Variants in GPC5 observed in about 807,000 individuals in gnomAD.
The protein encoded by GPC5 is glypican 5, also known as glypican-5.
Under a neutral mutation model 53.9 loss-of-function variants are expected in GPC5, and 47 were observed. That is an observed-to-expected ratio of 0.87 (90% CI 0.69 to 1.11). The LOEUF (loss-of-function observed/expected upper bound fraction) is 1.11, where lower values mean the gene tolerates loss of function less well. GPC5 is among the 50% of genes most tolerant of loss of function. GPC5 has a pLI of 0.00. For synonymous variants in GPC5, 286 were observed against 263.3 expected, an observed-to-expected ratio of 1.09 and a Z score of -0.84; for missense variants, 748 against 713.1, an observed-to-expected ratio of 1.05 and a Z score of -0.56.
Position 92,363,335 on chromosome 13 carries a change from A to G in GPC5, c.1561+218346A>G, listed in dbSNP as rs996812560. Among the ~76,000 whole-genome samples, 28 of 151,772 alleles carry G rather than the reference A, an allele frequency of 1.8e-4. 2 individuals are homozygous for G. Among genetic ancestry groups the G allele is most frequent in the African/African-American group, 6.8e-4 (28 of 41,076 alleles). ...TTTGGCCCTAGACCAGAGGTCCCCA[A>G]CATTTTTGGCACCAGGGACCGGTTT... On this transcript the variant is annotated intron_variant, in intron 7 of 7. Transcript: ENST00000377067.
chr13:91,860,973 T>C (rs2138911456), intron 5 of GPC5, among the ~76,000 whole-genome samples: 1 of 152,356 alleles, frequency 6.6e-6, no homozygotes, highest in Non-Finnish European at 1.5e-5. Flanking sequence ...TGATTTCTTT[T>C]ATGAACTATG....
chr13:91,733,392 C>T (rs1488933137), intron 4 of GPC5, among the ~76,000 whole-genome samples: 4 of 152,180 alleles, frequency 2.6e-5, no homozygotes, highest in Admixed American at 2.6e-4. Flanking sequence ...CTCAGCCTCC[C>T]AAAGTGCAGG....
In GPC5 at chr13:92,607,810, A is replaced by G. The variant is rs571563554; in HGVS notation, c.1562-258472A>G. Among the ~76,000 whole-genome samples the G allele has an allele frequency of 3.3e-5, 5 of 152,284 alleles. No individual in the cohort carries two copies. In the South Asian group the frequency reaches 1.0e-3, roughly 32 times the overall value. On this transcript the variant is annotated intron_variant, in intron 7 of 7. Coordinates refer to ENST00000377067, the MANE Select transcript of GPC5 (RefSeq NM_004466.6). ...AAATGCACCCTTTTACCAATTATCA[A>G]GACTTCAGTTGACCCTTGAACAACA...
At chr13:91,706,673 A>G (rs986141845) in intron 3 of GPC5, among the ~76,000 whole-genome samples, 1 of 152,162 alleles carries the variant, frequency 6.6e-6, no homozygotes, top group African/African-American at 2.4e-5. Context: ...AATTCATTTA[A>G]CTGCTCCCCA....
chr13:92,080,467 C>T (rs2041286556), intron 6 of GPC5, among the ~76,000 whole-genome samples: 1 of 152,172 alleles, frequency 6.6e-6, no homozygotes, highest in African/African-American at 2.4e-5. Context: ...AATCTTCTCC[C>T]TTTTTGAATT....
At chr13:91,777,526 T>G (rs554074641) in intron 5 of GPC5, among the ~76,000 whole-genome samples, 1 of 152,216 alleles carries the variant, frequency 6.6e-6, no homozygotes, top group Non-Finnish European at 1.5e-5. Flanking sequence ...ATTACAGAAC[T>G]AATTCTGTTG....
At chr13:91,831,625 G>C (rs1410098817) in intron 5 of GPC5, among the ~76,000 whole-genome samples, 1 of 151,650 alleles carries the variant, frequency 6.6e-6, no homozygotes, top group Non-Finnish European at 1.5e-5. Context: ...TAATTATATA[G>C]TGTTGGTTCT....
intron 7 of GPC5, among the ~76,000 whole-genome samples, chr13:92,272,632 G>C (rs945828247): frequency 1.3e-5 from 2 of 152,032 alleles, no homozygotes; most frequent in Non-Finnish European, 2.9e-5. Context: ...GTAATGAAAA[G>C]TTCAACCCGG....
chr13:92,510,754 T>C (rs1176338768), intron 7 of GPC5, among the ~76,000 whole-genome samples: 3 of 152,156 alleles, frequency 2.0e-5, no homozygotes, highest in African/African-American at 4.8e-5. Flanking sequence ...TTTCCACCTA[T>C]AGGGGACTAT....
rs182253348 is a variant in GPC5 at position 92,234,951 on chromosome 13, G to T, written c.1561+89962G>T. On this transcript the variant is annotated intron_variant, in intron 7 of 7. Coordinates refer to ENST00000377067, the MANE Select transcript of GPC5 (RefSeq NM_004466.6). ...CAACAATTTGGGGCCATACAATCAG[G>T]TAGAAAGATACAAATAAATCCATGA... Among the ~76,000 whole-genome samples the T allele has an allele frequency of 9.9e-5, 15 of 152,230 alleles. No homozygotes were observed. The East Asian group carries it at 2.9e-3, about 29-fold the overall frequency.
chr13:92,515,464 T>C (rs772139756), intron 7 of GPC5, among the ~76,000 whole-genome samples: 1 of 152,216 alleles, frequency 6.6e-6, no homozygotes, highest in Non-Finnish European at 1.5e-5. Flanking sequence ...CAGTATGGTA[T>C]GAAGTTCTCG....
chr13:91,664,940 T>C (rs1422493750), intron 2 of GPC5, among the ~76,000 whole-genome samples: 4 of 152,238 alleles, frequency 2.6e-5, no homozygotes, highest in Non-Finnish European at 5.9e-5. Context: ...CATTCTCATA[T>C]TATGCATGTA....
At chr13:92,647,735 T>C (rs1328855262) in intron 7 of GPC5, among the ~76,000 whole-genome samples, 1 of 152,126 alleles carries the variant, frequency 6.6e-6, no homozygotes, top group Non-Finnish European at 1.5e-5. Context: ...AAAGGCCACA[T>C]GGTATCTTTA....
chr13:91,961,590 T>G (rs1303991999), intron 6 of GPC5, among the ~76,000 whole-genome samples: 1 of 152,030 alleles, frequency 6.6e-6, no homozygotes, highest in African/African-American at 2.4e-5. Context: ...GAGTTAGGAA[T>G]AAACAAAGGA....
chr13:91,436,818 G>A (rs542880647), intron 1 of GPC5, among the ~76,000 whole-genome samples: 1 of 152,164 alleles, frequency 6.6e-6, no homozygotes, highest in Admixed American at 6.5e-5. Flanking sequence ...TTGTGTGAGA[G>A]TCTAAGTCTC....
At chr13:91,706,138 C>G (rs936797096) in intron 3 of GPC5, among the ~76,000 whole-genome samples, 2 of 151,788 alleles carry the variant, frequency 1.3e-5, no homozygotes, top group Non-Finnish European at 2.9e-5. Flanking sequence ...CTTGGCCTCC[C>G]AAAGTGTTGG....
chr13:92,486,296 C>A lies in GPC5; in HGVS notation c.1561+341307C>A, dbSNP rs368951639. ...CTAGCCTGACCTTCACCGAAAAATA[C>A]ACTGAGAAATGGTATTTCTATCCTC... is the stretch of plus-strand genomic sequence containing the variant. On this transcript the variant is annotated intron_variant, in intron 7 of 7. Transcript: ENST00000377067. Among the ~76,000 whole-genome samples the A allele has an allele frequency of 3.5e-4, 54 of 152,152 alleles. 1 individual carries two copies. Among genetic ancestry groups the A allele is most frequent in the African/African-American group, 1.1e-3 (47 of 41,436 alleles).
chr13:92,049,428 G>T (rs942264023), intron 6 of GPC5, among the ~76,000 whole-genome samples: 1 of 152,018 alleles, frequency 6.6e-6, no homozygotes, highest in Non-Finnish European at 1.5e-5. Context: ...AATAAATACA[G>T]GGAGACAGTA....
chr13:91,595,310 G>A (rs1386879496), intron 2 of GPC5, among the ~76,000 whole-genome samples: 7 of 151,986 alleles, frequency 4.6e-5, no homozygotes, highest in East Asian at 1.9e-4. Context: ...CACCGTGCCC[G>A]GCCCCTTAAT....
Sources: gnomAD v4.1 joint callset for allele counts (sites outside exome capture counted in the v4.1 genomes callset) on GRCh38, gnomAD v4.1.1 for gene constraint, MANE v1.5 for transcripts, NCBI Gene and HGNC (gene_info 2026-07-23, HGNC 2026-07-21) for gene names.